CALN1: variants seen among roughly 807,000 people sequenced by gnomAD.
CALN1 encodes calcium-binding protein 8.
A neutral mutation model predicts 30.6 loss-of-function variants in CALN1; 17 were observed. The ratio of observed to expected loss-of-function variants is 0.56; its 90% CI spans 0.38 to 0.83. The LOEUF (loss-of-function observed/expected upper bound fraction) is 0.83, where lower values mean the gene tolerates loss of function less well. Ranked by LOEUF, CALN1 falls within the 40% of genes least tolerant of loss-of-function variation. CALN1 has a pLI of 0.00. For missense variants in CALN1, 291 were observed against 354.9 expected, an observed-to-expected ratio of 0.82 and a Z score of 1.45; for synonymous variants, 156 against 131.4, an observed-to-expected ratio of 1.19 and a Z score of -1.28.
chr7:71,926,012 C>A (rs899586043), intron 5 of CALN1, among the ~76,000 whole-genome samples: 1 of 152,138 alleles, frequency 6.6e-6, no homozygotes, highest in African/African-American at 2.4e-5. Flanking sequence ...TGCCGCCATG[C>A]CTGGCTAAGG....
At chr7:71,964,771 T>C (rs538980837) in intron 5 of CALN1, among the ~76,000 whole-genome samples, 79 of 152,282 alleles carry the variant, frequency 5.2e-4, no homozygotes, top group Non-Finnish European at 7.9e-4. Context: ...CATGCCTGTT[T>C]CCCTCTGTAT....
intron 2 of CALN1, among the ~76,000 whole-genome samples, chr7:72,370,343 T>C (rs1804154228): frequency 6.6e-6 from 1 of 152,166 alleles, no homozygotes; most frequent in Non-Finnish European, 1.5e-5. Context: ...TCTGTTTCCT[T>C]ATTATTAAAT....
intron 1 of CALN1, 72 bp from the exon 2 acceptor site, chr7:72,403,514 A>G: frequency 1.7e-6 from 1 of 580,842 alleles, no homozygotes; most frequent in Admixed American, 3.1e-5. Context: ...CCTGCCGCCT[A>G]AATAATTCAC....
intron 2 of CALN1, among the ~76,000 whole-genome samples, chr7:72,300,683 A>G (rs1205538737): frequency 6.6e-6 from 1 of 152,206 alleles, no homozygotes; most frequent in African/African-American, 2.4e-5. Flanking sequence ...ATTTAAGTAT[A>G]AACTGTATTT....
chr7:72,481,038 C>T, the CALN1 span, among the ~76,000 whole-genome samples: 3 of 152,148 alleles, frequency 2.0e-5, no homozygotes, highest in South Asian at 4.2e-4. Flanking sequence ...CTGTGACCTC[C>T]GCTTCCCGGG....
At chr7:71,907,615 C>T (rs1431278396) in intron 5 of CALN1, among the ~76,000 whole-genome samples, 4 of 152,246 alleles carry the variant, frequency 2.6e-5, no homozygotes, top group East Asian at 1.9e-4. Flanking sequence ...GGTTTAAAAG[C>T]GATAATACCT....
intron 1 of CALN1, among the ~76,000 whole-genome samples, chr7:72,404,668 T>G (rs925960103): frequency 2.6e-5 from 4 of 152,194 alleles, no homozygotes; most frequent in Admixed American, 2.6e-4. Context: ...CTGCCCTCTT[T>G]CTACTCTCTC....
rs183746426 is a variant in CALN1 at position 72,237,025 on chromosome 7, C to T, written c.244+41661G>A. Among the ~76,000 whole-genome samples, 75 of 148,872 alleles carry T rather than the reference C, an allele frequency of 5.0e-4. 2 individuals carry two copies. The East Asian group carries it at 0.014, about 28-fold the overall frequency. On this transcript the variant is annotated intron_variant, in intron 3 of 6. Transcript: ENST00000395275. ...TTGAGATGGAGTTTCCCTCTTGTTGCCCAAGTTGGAATGCAATGGTGCAAT... is the reference window on the plus strand; with the variant it reads ...TTGAGATGGAGTTTCCCTCTTGTTGTCCAAGTTGGAATGCAATGGTGCAAT...
rs150543102 is a variant in CALN1 at position 71,982,431 on chromosome 7, C to T, written c.501+41226G>A. On this transcript the variant is annotated intron_variant, in intron 5 of 6. Transcript: ENST00000395275. ...CCAACATGGCAAAACCCTGTCTCTA[C>T]TAAAAATATAAAATTAGCTGGGCAT... Among the ~76,000 whole-genome samples, 47 of 152,226 alleles carry T rather than the reference C, an allele frequency of 3.1e-4. No homozygotes were observed. The East Asian group carries it at 5.0e-3, about 16-fold the overall frequency.
At chr7:72,263,843 T>C (rs1796435666) in intron 3 of CALN1, among the ~76,000 whole-genome samples, 1 of 152,182 alleles carries the variant, frequency 6.6e-6, no homozygotes, top group Non-Finnish European at 1.5e-5. Context: ...ATAAGCATGA[T>C]ATATTTAGGC....
chr7:71,943,119 C>T (rs1258619733), intron 5 of CALN1, among the ~76,000 whole-genome samples: 4 of 139,088 alleles, frequency 2.9e-5, no homozygotes, highest in Non-Finnish European at 6.2e-5. Flanking sequence ...CACATGTCGC[C>T]AGGACCTCCT....
intron 4 of CALN1, among the ~76,000 whole-genome samples, chr7:72,038,339 A>G (rs1456947247): frequency 6.6e-6 from 1 of 151,746 alleles, no homozygotes; most frequent in African/African-American, 2.4e-5. Context: ...AGCATGGCAA[A>G]AACTGCAATT....
At chr7:72,330,564 C>T (rs1166509036) in intron 2 of CALN1, among the ~76,000 whole-genome samples, 1 of 151,812 alleles carries the variant, frequency 6.6e-6, no homozygotes, top group African/African-American at 2.4e-5. Context: ...AATTTTATTT[C>T]CATATTTTTT....
intron 5 of CALN1, among the ~76,000 whole-genome samples, chr7:71,918,015 T>C (rs936698360): frequency 4.6e-5 from 7 of 152,188 alleles, no homozygotes; most frequent in Non-Finnish European, 1.0e-4. Flanking sequence ...TATAAAATGA[T>C]TCTCTTCAAT....
the CALN1 span, among the ~76,000 whole-genome samples, chr7:72,479,648 T>C: frequency 6.6e-6 from 1 of 151,638 alleles, no homozygotes; most frequent in Non-Finnish European, 1.5e-5. Flanking sequence ...CATCTCCTGG[T>C]TCAAGTGATT....
chr7:72,193,353 G>C (rs1190852501), intron 3 of CALN1, among the ~76,000 whole-genome samples: 1 of 152,056 alleles, frequency 6.6e-6, no homozygotes, highest in Non-Finnish European at 1.5e-5. Flanking sequence ...CAACAGAGAA[G>C]GGTAGAAGAC....
chr7:71,815,666 AG>A (rs1191958464), intron 5 of CALN1, among the ~76,000 whole-genome samples: 1 of 152,068 alleles, frequency 6.6e-6, no homozygotes, highest in Non-Finnish European at 1.5e-5. Context: ...ACTATGAGGA[AG>A]GAAGTTTTAG....
intron 4 of CALN1, among the ~76,000 whole-genome samples, chr7:72,054,421 G>GTA (rs1563015269): frequency 7.7e-6 from 1 of 130,050 alleles, no homozygotes; most frequent in South Asian, 2.4e-4. Context: ...ATATATACGT[G>GTA]TATATATACA....
intron 4 of CALN1, among the ~76,000 whole-genome samples, chr7:72,027,441 T>C (rs1012116858): frequency 3.3e-5 from 5 of 152,172 alleles, no homozygotes; most frequent in South Asian, 2.1e-4. Flanking sequence ...CCAGGTGCAG[T>C]GGCTCATGCC....
Sources: gnomAD v4.1 joint callset for allele counts (sites outside exome capture counted in the v4.1 genomes callset) on GRCh38, gnomAD v4.1.1 for gene constraint, MANE v1.5 for transcripts, NCBI Gene and HGNC (gene_info 2026-07-23, HGNC 2026-07-21) for gene names.